Variants in BTRC observed in about 807,000 individuals in gnomAD.
BTRC encodes the protein F-box/WD repeat-containing protein 1A.
A neutral mutation model predicts 85.5 loss-of-function variants in BTRC; 42 were observed. That is an observed-to-expected ratio of 0.49 (90% CI 0.38 to 0.64). BTRC has a LOEUF of 0.64. Ranked by LOEUF, BTRC falls within the 30% of genes least tolerant of loss-of-function variation. The pLI is 0.00. For missense variants in BTRC, 594 were observed against 743.5 expected (o/e 0.80, Z 2.34); for synonymous variants, 255 against 263.3 (o/e 0.97, Z 0.30).
intron 4 of BTRC, among the ~76,000 whole-genome samples, chr10:101,510,519 CAAAA>C (rs71305543): frequency 7.8e-5 from 11 of 141,124 alleles, no homozygotes; most frequent in Non-Finnish European, 1.7e-4. Context: ...TAAAAAAAAA[CAAAA>C]AAAAAAGTCG....
chr10:101,382,507 A>G (rs1001325345), intron 1 of BTRC, among the ~76,000 whole-genome samples: 15 of 151,942 alleles, frequency 9.9e-5, no homozygotes, highest in Admixed American at 6.6e-5. Flanking sequence ...TGGCAGGAGT[A>G]TAATATATGC....
chr10:101,463,989 T>G (rs1026261096), intron 3 of BTRC, among the ~76,000 whole-genome samples: 6 of 151,932 alleles, frequency 3.9e-5, no homozygotes, highest in African/African-American at 1.2e-4. Context: ...GATCAGTAAT[T>G]GATGTTGAGA....
intron 2 of BTRC, among the ~76,000 whole-genome samples, chr10:101,440,096 A>G (rs1944641395): frequency 6.6e-6 from 1 of 152,220 alleles, no homozygotes; most frequent in Non-Finnish European, 1.5e-5. Flanking sequence ...TATGGAAGAA[A>G]CATTATGCTT....
chr10:101,517,670 T>C (rs2062040229), intron 4 of BTRC, among the ~76,000 whole-genome samples: 1 of 152,224 alleles, frequency 6.6e-6, no homozygotes, highest in Non-Finnish European at 1.5e-5. Flanking sequence ...AAAGAAATAC[T>C]TTCTTCAGAG....
chr10:101,387,546 T>TTTTTTTTTTTTTTTTTTTTA, intron 1 of BTRC, among the ~76,000 whole-genome samples: 1 of 121,242 alleles, frequency 8.2e-6, no homozygotes, highest in Non-Finnish European at 1.8e-5. Context: ...TTTTTTTTTT[T>TTTTTTTTTTTTTTTTTTTTA]GAGATAGCCT....
intron 2 of BTRC, 117 bp downstream of exon 2, chr10:101,430,569 G>A: frequency 2.7e-6 from 2 of 748,276 alleles, no homozygotes; most frequent in Non-Finnish European, 4.5e-6. Flanking sequence ...CCTTCATATT[G>A]CCTGTATCTC....
intron 1 of BTRC, among the ~76,000 whole-genome samples, chr10:101,363,864 T>C (rs1040039667): frequency 2.0e-5 from 3 of 152,160 alleles, no homozygotes; most frequent in African/African-American, 7.2e-5. Flanking sequence ...AAATTACCGA[T>C]GAAGTGCAGT....
intron 13 of BTRC, among the ~76,000 whole-genome samples, chr10:101,548,497 A>G (rs2062593825): frequency 6.6e-6 from 1 of 152,238 alleles, no homozygotes; most frequent in African/African-American, 2.4e-5. Context: ...CATGTCTGTA[A>G]TCCCAGCACT....
At chr10:101,432,775 G>A (rs1208008770) in intron 2 of BTRC, among the ~76,000 whole-genome samples, 1 of 152,158 alleles carries the variant, frequency 6.6e-6, no homozygotes, top group Non-Finnish European at 1.5e-5. Context: ...AATCTCGGAA[G>A]GATCCAATTG....
At chr10:101,470,304 A>C (rs569600192) in intron 3 of BTRC, among the ~76,000 whole-genome samples, 1 of 150,892 alleles carries the variant, frequency 6.6e-6, no homozygotes, top group Non-Finnish European at 1.5e-5. Context: ...TAGTTGGATG[A>C]AATCCAGTTT....
At chr10:101,549,585 G>A (rs903558868) in intron 13 of BTRC, among the ~76,000 whole-genome samples, 1 of 151,548 alleles carries the variant, frequency 6.6e-6, no homozygotes, top group African/African-American at 2.4e-5. Flanking sequence ...GTGGTGGCAG[G>A]CGCCTGTAGT....
At chr10:101,438,785 G>GCA (rs1944605171) in intron 2 of BTRC, among the ~76,000 whole-genome samples, 1 of 152,090 alleles carries the variant, frequency 6.6e-6, no homozygotes, top group Admixed American at 6.5e-5. Context: ...TTCAACTGCA[G>GCA]CACAGTGCAA....
chr10:101,443,790 A>G (rs1200057980), intron 2 of BTRC, among the ~76,000 whole-genome samples: 1 of 152,212 alleles, frequency 6.6e-6, no homozygotes, highest in Non-Finnish European at 1.5e-5. Flanking sequence ...ACTGATTTAG[A>G]AAATCCTTTT....
At chr10:101,526,243 G>A in intron 6 of BTRC, 44 bp downstream of exon 6, 5 of 1,547,234 alleles carry the variant, frequency 3.2e-6, no homozygotes, top group Non-Finnish European at 3.5e-6. Context: ...TTCAGGACCT[G>A]GCCATTCACA....
At chr10:101,424,835 A>T (rs1285591832) in intron 1 of BTRC, among the ~76,000 whole-genome samples, 2 of 152,146 alleles carry the variant, frequency 1.3e-5, no homozygotes, top group African/African-American at 4.8e-5. Context: ...ATTGGGGTAT[A>T]TGTGCAGGTT....
chr10:101,522,931 C>G (rs538196396), intron 5 of BTRC, among the ~76,000 whole-genome samples: 2 of 152,220 alleles, frequency 1.3e-5, no homozygotes, highest in African/African-American at 4.8e-5. Flanking sequence ...ATGGGTTGGG[C>G]ACGGTGGCTC....
intron 4 of BTRC, among the ~76,000 whole-genome samples, chr10:101,482,331 T>G (rs1945856165): frequency 6.6e-6 from 1 of 151,702 alleles, no homozygotes; most frequent in African/African-American, 2.4e-5. Context: ...AAGTTTTTTC[T>G]TTTTTATTTA....
rs1310937349 is a variant in BTRC at position 101,390,264 on chromosome 10, A to AGGGAATAAATCAAACAATGTTTAT, written c.48+36061_48+36084dup. 5.9e-5 allele frequency among the ~76,000 whole-genome samples: 9 copies of AGGGAATAAATCAAACAATGTTTAT among 151,770 alleles called. No homozygotes were observed. In the East Asian group the frequency reaches 1.4e-3, roughly 23 times the overall value. The stretch of plus-strand genomic sequence containing the variant: ...CCATCCTGCTTCCTGGAGTCATTGT[A>AGGGAATAAATCAAACAATGTTTAT]GGGAATAAATCAAACAATGTTTATG... On this transcript the variant is annotated intron_variant, in intron 1 of 14. Transcript: ENST00000370187.
At chr10:101,520,382 A>G (rs772265470) in intron 4 of BTRC, among the ~76,000 whole-genome samples, 1 of 152,146 alleles carries the variant, frequency 6.6e-6, no homozygotes, top group Non-Finnish European at 1.5e-5. Flanking sequence ...CTTTCACACT[A>G]AGAGTATATG....
Sources: allele counts gnomAD v4.1 joint callset (sites outside exome capture counted in the v4.1 genomes callset), GRCh38; gene constraint gnomAD v4.1.1; transcripts MANE v1.5; gene names NCBI Gene and HGNC (gene_info 2026-07-23, HGNC 2026-07-21).